ERBB4: variants seen among roughly 807,000 people sequenced by gnomAD.
The protein encoded by ERBB4 is erb-b2 receptor tyrosine kinase 4, also known as receptor tyrosine-protein kinase erbB-4.
ERBB4 carries 42 observed loss-of-function variants against 158.0 expected under a neutral mutation model. The ratio of observed to expected loss-of-function variants is 0.27; its 90% CI spans 0.21 to 0.34. The LOEUF (loss-of-function observed/expected upper bound fraction) is 0.34, where lower values mean the gene tolerates loss of function less well. Ranked by LOEUF, ERBB4 falls within the 10% of genes least tolerant of loss-of-function variation. The pLI is 1.00. For missense variants in ERBB4, 1,333 were observed against 1,624.1 expected, an observed-to-expected ratio of 0.82 and a Z score of 3.08; for synonymous variants, 583 against 558.7, an observed-to-expected ratio of 1.04 and a Z score of -0.61.
At chr2:211,628,984 G>C (rs1454810061) in intron 17 of ERBB4, among the ~76,000 whole-genome samples, 1 of 152,046 alleles carries the variant, frequency 6.6e-6, no homozygotes, top group Non-Finnish European at 1.5e-5. Context: ...AGAAATGTCT[G>C]TTCATATACT....
intron 2 of ERBB4, among the ~76,000 whole-genome samples, chr2:211,967,293 A>G (rs955116383): frequency 6.6e-6 from 1 of 152,032 alleles, no homozygotes; most frequent in Non-Finnish European, 1.5e-5. Flanking sequence ...TCTCTCTAAA[A>G]CCTTGATATG....
chr2:211,576,899 GATAAATAACACTGGTAGGGTTGTACC>G (rs1285318777), intron 19 of ERBB4, among the ~76,000 whole-genome samples: 1 of 152,088 alleles, frequency 6.6e-6, no homozygotes, highest in African/African-American at 2.4e-5. Flanking sequence ...AAAGCAAAAA[GATAAATAACACTGGTAGGGTTGTACC>G]ATGAGGAGAA....
rs2062545831 is a variant in ERBB4, at chr2:211,379,886, C to T, written c.*3729G>A. The T allele has an allele frequency of 4.3e-6, 1 of 231,990 alleles. No individual in the cohort carries two copies. Among genetic ancestry groups the T allele is most frequent in the Non-Finnish European group, 8.5e-6 (1 of 117,336 alleles). The allele number at this position is 231,990 out of a possible 1,614,324, so 14.4% of individuals were successfully genotyped here. A position where few individuals can be genotyped will look rare whatever the true frequency, so the allele number is the denominator to read the frequency against. ...AATTTTCTTTTCATTTTTGATACTT[C>T]AAGAAGCACATTAATAGTCCTTCCA... On this transcript the variant is annotated 3_prime_UTR_variant, in exon 28 of 28. Coordinates refer to ENST00000342788, the MANE Select transcript of ERBB4 (RefSeq NM_005235.3).
intron 1 of ERBB4, among the ~76,000 whole-genome samples, chr2:212,490,612 A>G (rs1690222303): frequency 6.6e-6 from 1 of 151,870 alleles, no homozygotes; most frequent in Non-Finnish European, 1.5e-5. Flanking sequence ...TCTCTATACA[A>G]TCTGAATAGT....
intron 19 of ERBB4, among the ~76,000 whole-genome samples, chr2:211,597,627 T>A (rs959541396): frequency 6.6e-6 from 1 of 152,030 alleles, no homozygotes; most frequent in African/African-American, 2.4e-5. Flanking sequence ...ATTGACTGTA[T>A]TATACAATAT....
chr2:212,167,788 A>T (rs1342487443), intron 1 of ERBB4, among the ~76,000 whole-genome samples: 1 of 152,178 alleles, frequency 6.6e-6, no homozygotes, highest in African/African-American at 2.4e-5. Flanking sequence ...TGTCCTTTGC[A>T]GGGACATGAA....
chr2:211,994,280 G>A (rs1165350834), intron 2 of ERBB4, among the ~76,000 whole-genome samples: 1 of 151,478 alleles, frequency 6.6e-6, no homozygotes, highest in African/African-American at 2.4e-5. Flanking sequence ...ACAGACACAT[G>A]CCACCACACT....
At chr2:211,769,445 A>G (rs908189665) in intron 4 of ERBB4, among the ~76,000 whole-genome samples, 4 of 152,184 alleles carry the variant, frequency 2.6e-5, no homozygotes, top group African/African-American at 4.8e-5. Flanking sequence ...CACTCCTGCT[A>G]TCAAAATCTG....
At chr2:212,476,669 T>A (rs910293162) in intron 1 of ERBB4, among the ~76,000 whole-genome samples, 1 of 152,132 alleles carries the variant, frequency 6.6e-6, no homozygotes, top group Non-Finnish European at 1.5e-5. Context: ...ATGCCAAAGG[T>A]ACCAAACAAA....
chr2:211,556,576 T>C (rs926664746), intron 20 of ERBB4, among the ~76,000 whole-genome samples: 2 of 152,126 alleles, frequency 1.3e-5, no homozygotes, highest in African/African-American at 4.8e-5. Flanking sequence ...GTACAGAATA[T>C]ACATCCACCT....
At position 211,543,257 on chromosome 2, in the gene ERBB4, AG is replaced by A. The variant is rs1325483637; in HGVS notation, c.2487+18645del. Among the ~76,000 whole-genome samples, 3 of 152,148 alleles carry A rather than the reference AG, an allele frequency of 2.0e-5. No individual in the cohort carries two copies. In the East Asian group the frequency reaches 5.8e-4, roughly 29 times the overall value. On this transcript the variant is annotated intron_variant, in intron 20 of 27. Transcript: ENST00000342788. The stretch of plus-strand genomic sequence containing the variant: ...CACTATTTCTAACGGCAGCAACATC[AG>A]TAGCTTTGAGAATATTATTTCTGTG...
At position 212,302,119 on chromosome 2, in the gene ERBB4, A is replaced by G. The variant is rs143735124; in HGVS notation, c.83-177216T>C. Among the ~76,000 whole-genome samples, 760 of 151,526 alleles carry G rather than the reference A, an allele frequency of 5.0e-3. 29 individuals carry two copies. The highest frequency in any genetic ancestry group is 0.037 in the Admixed American group (566 of 15,176). ...TGATTGATTATGCCATTTACTAGAC[A>G]TGTGATCTTGGGCAAGTTACTTAAA... On this transcript the variant is annotated intron_variant, in intron 1 of 27. Transcript: ENST00000342788.
At chr2:211,854,547 C>A (rs1359492711) in intron 3 of ERBB4, among the ~76,000 whole-genome samples, 9 of 152,066 alleles carry the variant, frequency 5.9e-5, no homozygotes, top group Admixed American at 4.6e-4. Flanking sequence ...ATTAGTTTTA[C>A]CTAATTGTAA....
chr2:211,773,598 T>TTATTTATA (rs1192552040), intron 4 of ERBB4, among the ~76,000 whole-genome samples: 1 of 29,778 alleles, frequency 3.4e-5, no homozygotes, highest in Non-Finnish European at 7.3e-5. Flanking sequence ...TTCTGTAACT[T>TTATTTATA]TATATATATA....
chr2:211,684,597 C>A (rs1429683948), intron 12 of ERBB4, among the ~76,000 whole-genome samples: 1 of 152,178 alleles, frequency 6.6e-6, no homozygotes, highest in African/African-American at 2.4e-5. Flanking sequence ...GTCATGCAGA[C>A]CCTGTTACAA....
chr2:211,758,594 G>A (rs1408471505), intron 4 of ERBB4, among the ~76,000 whole-genome samples: 1 of 152,054 alleles, frequency 6.6e-6, no homozygotes, highest in African/African-American at 2.4e-5. Context: ...TATAAATAAG[G>A]GGTCTGAACT....
At chr2:211,909,553 T>TG (rs2079487882) in intron 3 of ERBB4, among the ~76,000 whole-genome samples, 1 of 151,760 alleles carries the variant, frequency 6.6e-6, no homozygotes. Context: ...ATAAAGACAA[T>TG]GGCAAGTATT....
At chr2:211,927,220 G>A (rs2080040881) in intron 3 of ERBB4, among the ~76,000 whole-genome samples, 1 of 152,134 alleles carries the variant, frequency 6.6e-6, no homozygotes, top group South Asian at 2.1e-4. Context: ...CATAATGGTG[G>A]ACAGCAAGGT....
chr2:211,540,534 G>A (rs952466005), intron 20 of ERBB4, among the ~76,000 whole-genome samples: 2 of 151,282 alleles, frequency 1.3e-5, no homozygotes, highest in African/African-American at 4.8e-5. Flanking sequence ...TTGTTTTTTG[G>A]TGTTTTTTTG....
Sources: allele counts gnomAD v4.1 joint callset (sites outside exome capture counted in the v4.1 genomes callset), GRCh38; gene constraint gnomAD v4.1.1; transcripts MANE v1.5; gene names NCBI Gene and HGNC (gene_info 2026-07-23, HGNC 2026-07-21).